Variants in SLC49A4 observed in about 807,000 individuals in gnomAD.
SLC49A4 encodes solute carrier family 49 member 4, also known as disrupted in renal cancer protein 2.
A neutral mutation model predicts 50.6 loss-of-function variants in SLC49A4; 36 were observed. That is an observed-to-expected ratio of 0.71 (90% CI 0.55 to 0.94). SLC49A4 has a LOEUF of 0.94. Among genes scored for constraint, SLC49A4 ranks in the 40% least tolerant of loss-of-function variants. The pLI is 0.00. For missense variants in SLC49A4, 503 were observed against 605.7 expected, an observed-to-expected ratio of 0.83 and a Z score of 1.78; for synonymous variants, 248 against 241.2, an observed-to-expected ratio of 1.03 and a Z score of -0.26.
At chr3:122,854,656 T>C (rs1266699186) in intron 5 of SLC49A4, among the ~76,000 whole-genome samples, 2 of 152,222 alleles carry the variant, frequency 1.3e-5, no homozygotes, top group African/African-American at 2.4e-5. Flanking sequence ...ACTTCACTTA[T>C]GCTCACTTCC....
At chr3:122,805,556 T>G (rs1448101782) in intron 1 of SLC49A4, among the ~76,000 whole-genome samples, 1 of 152,232 alleles carries the variant, frequency 6.6e-6, no homozygotes, top group Non-Finnish European at 1.5e-5. Flanking sequence ...ATGTCTATTC[T>G]CTGTGTGAAG....
intron 4 of SLC49A4, among the ~76,000 whole-genome samples, chr3:122,842,390 G>C (rs556367103): frequency 2.7e-5 from 4 of 150,068 alleles, no homozygotes; most frequent in Non-Finnish European, 5.9e-5. Flanking sequence ...GGAGGCTGAG[G>C]CAGGAGAATG....
chr3:122,815,364 C>T (rs1403373099), intron 2 of SLC49A4, among the ~76,000 whole-genome samples: 1 of 152,200 alleles, frequency 6.6e-6, no homozygotes, highest in Non-Finnish European at 1.5e-5. Context: ...GCTGGGATTA[C>T]AGATGTGGGC....
intron 2 of SLC49A4, among the ~76,000 whole-genome samples, chr3:122,825,273 G>A (rs1001385138): frequency 1.3e-5 from 2 of 152,134 alleles, no homozygotes; most frequent in African/African-American, 4.8e-5. Context: ...ACTTAATGAC[G>A]TTATTGCTGG....
At chr3:122,866,025 A>T (rs1228241915) in intron 7 of SLC49A4, among the ~76,000 whole-genome samples, 1 of 151,860 alleles carries the variant, frequency 6.6e-6, no homozygotes, top group Non-Finnish European at 1.5e-5. Flanking sequence ...AGCACCTACA[A>T]GTTTTTTGTT....
At chr3:122,871,186 A>G (rs990190566) in intron 7 of SLC49A4, among the ~76,000 whole-genome samples, 3 of 152,196 alleles carry the variant, frequency 2.0e-5, no homozygotes, top group South Asian at 2.1e-4. Context: ...TCTATCTTCT[A>G]TTCAAAGAAA....
At chr3:122,848,673 T>C (rs1160389838) in intron 5 of SLC49A4, among the ~76,000 whole-genome samples, 1 of 151,240 alleles carries the variant, frequency 6.6e-6, no homozygotes, top group Non-Finnish European at 1.5e-5. Flanking sequence ...TTATTTTATT[T>C]TTCTTATTTT....
intron 5 of SLC49A4, among the ~76,000 whole-genome samples, chr3:122,851,033 CACTTG>C (rs1278517982): frequency 6.6e-6 from 1 of 152,140 alleles, no homozygotes; most frequent in Non-Finnish European, 1.5e-5. Context: ...ACAGAATGCA[CACTTG>C]ACTTATCAAA....
chr3:122,845,720 T>TTTAACA (rs1473790962), intron 4 of SLC49A4, 43 bp from the exon 5 acceptor site: 1 of 1,233,532 alleles, frequency 8.1e-7, no homozygotes, highest in Admixed American at 2.3e-5. Flanking sequence ...TTATTCTAGA[T>TTTAACA]TTTTAATTTG....
Position 122,835,756 on chromosome 3 carries a change from A to C in SLC49A4, c.833+2310A>C, listed in dbSNP as rs561349909. ...AAGTACTAGAAGTCCTAGCCAGAAC[A>C]GTCAGGCAACTGAAAGAAATAAAGG... is the stretch of plus-strand genomic sequence containing the variant. On this transcript the variant is annotated intron_variant, in intron 4 of 8. Transcript: ENST00000261038. Among the ~76,000 whole-genome samples, 54 of 152,354 alleles carry C rather than the reference A, an allele frequency of 3.5e-4. No homozygotes were observed. The South Asian group carries it at 0.011, about 30-fold the overall frequency.
At chr3:122,859,814 T>C (rs758859160) in intron 6 of SLC49A4, among the ~76,000 whole-genome samples, 8 of 152,076 alleles carry the variant, frequency 5.3e-5, no homozygotes, top group Non-Finnish European at 1.0e-4. Context: ...AGATCCTGTC[T>C]CTAAAAAAAA....
In SLC49A4 at chr3:122,873,772, A is replaced by G. The variant is rs142183039; in HGVS notation, c.1321+1175A>G. On this transcript the variant is annotated intron_variant, in intron 8 of 8. Transcript: ENST00000261038. ...TCCATTAGGGAAAAGTGCCATCACCAGAAATCAGGTTCTTTGCTTCCAATT... is the reference window on the plus strand; with the variant it reads ...TCCATTAGGGAAAAGTGCCATCACCGGAAATCAGGTTCTTTGCTTCCAATT... 1.7e-3 allele frequency among the ~76,000 whole-genome samples: 266 copies of G among 152,366 alleles called. 1 individual carries two copies. Among genetic ancestry groups the G allele is most frequent in the African/African-American group, 5.5e-3 (227 of 41,580 alleles).
At chr3:122,807,630 C>T (rs1017567759) in intron 2 of SLC49A4, among the ~76,000 whole-genome samples, 2 of 151,728 alleles carry the variant, frequency 1.3e-5, no homozygotes, top group African/African-American at 2.4e-5. Context: ...TTTTGTTGAC[C>T]AGGATGTTAA....
chr3:122,814,562 G>A (rs1049504684), intron 2 of SLC49A4, among the ~76,000 whole-genome samples: 1 of 152,158 alleles, frequency 6.6e-6, no homozygotes, highest in East Asian at 1.9e-4. Flanking sequence ...TTTATTGACA[G>A]CATATGTATA....
At chr3:122,825,646 A>AT (rs398052241) in intron 2 of SLC49A4, among the ~76,000 whole-genome samples, 1 of 151,470 alleles carries the variant, frequency 6.6e-6, no homozygotes, top group Non-Finnish European at 1.5e-5. Context: ...AAAAAAAAAA[A>AT]GAGGATTTGA....
intron 3 of SLC49A4, among the ~76,000 whole-genome samples, chr3:122,829,008 G>C (rs1007107463): frequency 6.6e-6 from 1 of 152,176 alleles, no homozygotes; most frequent in Non-Finnish European, 1.5e-5. Context: ...TTTCATGTTT[G>C]CCAATCTGCC....
At chr3:122,868,755 A>C (rs758610586) in intron 7 of SLC49A4, among the ~76,000 whole-genome samples, 1 of 152,208 alleles carries the variant, frequency 6.6e-6, no homozygotes, top group Non-Finnish European at 1.5e-5. Flanking sequence ...AGTGATTTCC[A>C]CATGTCTATC....
intron 1 of SLC49A4, among the ~76,000 whole-genome samples, chr3:122,796,734 A>G (rs572311364): frequency 2.0e-5 from 3 of 152,250 alleles, no homozygotes; most frequent in Admixed American, 1.3e-4. Flanking sequence ...CAAAATGTGA[A>G]TTTGAGGCCT....
rs565588798 is a variant in SLC49A4, at chr3:122,818,146, A to G, written c.438-8654A>G. On this transcript the variant is annotated intron_variant, in intron 2 of 8. Coordinates refer to ENST00000261038, the MANE Select transcript of SLC49A4 (RefSeq NM_032839.3). ...AATAAGTTGTTGGAAACAACTATCCAACATTAGGAAAATGGTTAAATGAGA... is the reference window on the plus strand; with the variant it reads ...AATAAGTTGTTGGAAACAACTATCCGACATTAGGAAAATGGTTAAATGAGA... Among the ~76,000 whole-genome samples the G allele has an allele frequency of 9.2e-5, 14 of 152,320 alleles. No homozygotes were observed. In the South Asian group the frequency reaches 2.9e-3, roughly 32 times the overall value.
Sources: gnomAD v4.1 joint callset for allele counts (sites outside exome capture counted in the v4.1 genomes callset) on GRCh38, gnomAD v4.1.1 for gene constraint, MANE v1.5 for transcripts, NCBI Gene and HGNC (gene_info 2026-07-23, HGNC 2026-07-21) for gene names.